NEB: variants seen among roughly 807,000 people sequenced by gnomAD.
The protein encoded by NEB is nemaline myopathy type 2.
Under a neutral mutation model 952.2 loss-of-function variants are expected in NEB, and 512 were observed. The ratio of observed to expected loss-of-function variants is 0.54; its 90% confidence interval spans 0.50 to 0.58. The LOEUF (loss-of-function observed/expected upper bound fraction) is 0.58, where lower values mean the gene tolerates loss of function less well. Ranked by LOEUF, NEB falls within the 20% of genes least tolerant of loss-of-function variation. The probability of loss-of-function intolerance (pLI) is 0.00; values close to 1 mark genes in which losing one functional copy is unlikely to be tolerated. For missense variants in NEB, 8,428 were observed against 9,231.1 expected (o/e 0.91, Z 3.56); for synonymous variants, 2,900 against 3,149.8 (o/e 0.92, Z 2.66).
chr2:151,560,993 A>AT lies in NEB; in HGVS notation c.19206+10_19206+11insA. 6.4e-7 allele frequency: 1 copy of AT among 1,559,286 alleles called. No homozygotes were observed. The highest frequency in any genetic ancestry group is 1.1e-5 in the South Asian group (1 of 87,498). ...GGCTCATATATAAGGGGGAAAAAAA[A>AT]CTCAACTCACACTGCTGTAAAGATT... On this transcript the variant is annotated intron_variant, in intron 123 of 181. Coordinates refer to ENST00000397345, the MANE Select transcript of NEB (RefSeq NM_001164508.2).
Position 151,627,103 on chromosome 2 carries a change from C to T in NEB, c.10246G>A (p.Asp3416Asn). 1 of 1,613,940 alleles carries T rather than the reference C, an allele frequency of 6.2e-7. No homozygotes were observed. The highest frequency in any genetic ancestry group is 1.1e-5 in the South Asian group (1 of 91,078). Reference protein sequence around the residue: ...KCKRAAEILSDNIYRQPPDKL... With the variant: ...KCKRAAEILSNNIYRQPPDKL... ...TCCGGAGGCTGGCGGTAGATGTTAT[C>T]ACTCAGTATTTCAGCAGCTCTCTTG... is the stretch of plus-strand genomic sequence containing the variant. The change falls in exon 70 of 182, where the codon GAT becomes AAT. Residue 3416 changes from aspartate to asparagine, a missense_variant. Around this residue, in one of 11 missense-constraint regions of NEB, gnomAD observed 1,772 missense variants for 1,960.3 expected, o/e 0.90. Transcript: ENST00000397345.
At chr2:151,506,662 CAT>C (rs1289163562) in intron 163 of NEB, among the ~76,000 whole-genome samples, 8 of 152,296 alleles carry the variant, frequency 5.3e-5, no homozygotes, top group Admixed American at 2.0e-4. Flanking sequence ...CAAGACAACA[CAT>C]GTTACTGCCC....
In NEB at chr2:151,513,735, T is replaced by C. The variant is rs756517186; in HGVS notation, c.23128-42A>G. On this transcript the variant is annotated intron_variant, in intron 159 of 181. Coordinates refer to ENST00000397345, the MANE Select transcript of NEB (RefSeq NM_001164508.2). ...AGAAAAAAAAAAGGTACCTAAATGC[T>C]ACTACTAGGTAATAAACATACAGGG... 31 of 1,270,822 alleles carry C rather than the reference T, an allele frequency of 2.4e-5. No homozygotes were observed. In the African/African-American group the frequency reaches 2.7e-4, roughly 11 times the overall value. The allele number at this position is 1,270,822 out of a possible 1,614,324, so 78.7% of individuals were successfully genotyped here. A position where few individuals can be genotyped will look rare whatever the true frequency, so the allele number is the denominator to read the frequency against.
intron 12 of NEB, 28 bp downstream of exon 12, chr2:151,709,628 C>A: frequency 6.6e-7 from 1 of 1,516,604 alleles, no homozygotes; most frequent in South Asian, 1.2e-5. Context: ...CTCAAACCAT[C>A]AAGATAAATG....
chr2:151,662,114 C>G, intron 46 of NEB, 21 bp downstream of exon 46: 1 of 1,589,480 alleles, frequency 6.3e-7, no homozygotes, highest in Non-Finnish European at 8.6e-7. Flanking sequence ...ATATGAAACA[C>G]TGCATTATTG....
At chr2:151,540,082 A>G (rs2093828192) in intron 138 of NEB, among the ~76,000 whole-genome samples, 1 of 152,224 alleles carries the variant, frequency 6.6e-6, no homozygotes, top group Admixed American at 6.5e-5. Context: ...AAGTATCCCC[A>G]GAAAATGCTG....
rs746382045 is a variant in NEB, at chr2:151,485,775, G to A, written c.25563C>T (p.Tyr8521=). The A allele has an allele frequency of 3.1e-6, 5 of 1,610,986 alleles. No homozygotes were observed. The highest frequency in any genetic ancestry group is 1.7e-4 in the Middle Eastern group (1 of 6,048). ...TGRTGMLPAN[Y]VEAI is the part of the protein sequence containing the mutation. Reference sequence around the variant, plus strand: ...TTTGAAATGCCTAAATAGCTTCAACGTAGTTGGCTGGGAGCATTCCGGTCC... The same window carrying A: ...TTTGAAATGCCTAAATAGCTTCAACATAGTTGGCTGGGAGCATTCCGGTCC... Residue 8521 remains tyrosine, a synonymous_variant, in exon 182 of 182, where the codon TAC becomes TAT. Transcript: ENST00000397345.
intron 81 of NEB, among the ~76,000 whole-genome samples, chr2:151,609,247 C>T (rs183078519): frequency 7.5e-4 from 114 of 151,828 alleles, no homozygotes; most frequent in African/African-American, 1.8e-3. Context: ...CATACAAATC[C>T]TTAGCTGAAA....
intron 1 of NEB, 41 bp from the exon 2 acceptor site, chr2:151,733,836 T>C (rs2099814589): frequency 6.6e-6 from 1 of 152,212 alleles, no homozygotes; most frequent in Non-Finnish European, 1.5e-5. Flanking sequence ...TTGAGGTACA[T>C]ATAGGATTGT....
chr2:151,641,479 C>T (rs1462646465), intron 60 of NEB, among the ~76,000 whole-genome samples: 1 of 152,116 alleles, frequency 6.6e-6, no homozygotes, highest in African/African-American at 2.4e-5. Flanking sequence ...TACAGGCATG[C>T]GCCATCACAC....
intron 130 of NEB, 87 bp from the exon 131 acceptor site, chr2:151,548,502 T>C (rs2094976756): frequency 3.1e-6 from 3 of 955,052 alleles, no homozygotes; most frequent in Non-Finnish European, 5.0e-6. Context: ...GATGTCACCT[T>C]TATTTGAAAA....
At chr2:151,503,022 C>T (rs952606364) in intron 166 of NEB, 137 bp from the exon 167 acceptor site, 7 of 614,700 alleles carry the variant, frequency 1.1e-5, no homozygotes, top group South Asian at 2.1e-5. Context: ...AATGTTTTTA[C>T]TTTTTTCACA....
intron 71 of NEB, among the ~76,000 whole-genome samples, chr2:151,623,699 T>C (rs2098461640): frequency 6.6e-6 from 1 of 152,164 alleles, no homozygotes; most frequent in Admixed American, 6.5e-5. Flanking sequence ...TTAATATCTT[T>C]GAGATAAATT....
chr2:151,626,990 T>G lies in NEB; in HGVS notation c.10347+12A>C. The G allele has an allele frequency of 6.2e-7, 1 of 1,613,272 alleles. No homozygotes were observed. The highest frequency in any genetic ancestry group is 8.5e-7 in the Non-Finnish European group (1 of 1,179,302). On this transcript the variant is annotated intron_variant, in intron 70 of 181. Coordinates refer to ENST00000397345, the MANE Select transcript of NEB (RefSeq NM_001164508.2). Reference sequence around the variant, plus strand: ...TAGCCCTGTCTTATTTTCCTACAAATTGGGGGCTCACCTTGTTCATATTGA... The same window carrying G: ...TAGCCCTGTCTTATTTTCCTACAAAGTGGGGGCTCACCTTGTTCATATTGA...
chr2:151,659,786 A>T (rs2099126270), intron 46 of NEB, among the ~76,000 whole-genome samples: 3 of 152,218 alleles, frequency 2.0e-5, no homozygotes, highest in African/African-American at 7.2e-5. Context: ...CATGTTCTAC[A>T]TCTTGATTTT....
At chr2:151,527,330 G>T in intron 147 of NEB, 151 bp downstream of exon 147, 1 of 697,560 alleles carries the variant, frequency 1.4e-6, no homozygotes, top group Non-Finnish European at 2.4e-6. Context: ...TTCTGAGCTC[G>T]CCTATCGCTC....
intron 30 of NEB, among the ~76,000 whole-genome samples, 153 bp downstream of exon 30, chr2:151,680,577 C>A (rs1227130478): frequency 6.6e-6 from 1 of 152,092 alleles, no homozygotes; most frequent in South Asian, 2.1e-4. Context: ...ATTAGGCATG[C>A]TTTATTAATG....
chr2:151,677,643 T>C lies in NEB; in HGVS notation c.3696A>G (p.Pro1232=), dbSNP rs201420007. The C allele has an allele frequency of 1.1e-5, 17 of 1,613,886 alleles. No individual in the cohort carries two copies. The highest frequency in any genetic ancestry group is 2.7e-5 in the African/African-American group (2 of 74,920). The stretch of plus-strand genomic sequence containing the variant: ...CAATGCTGGTAAATTTGAGGGTGTC[T>C]GGATGTTGCCTGTACTTCTTTTCAT... ...ALNEKKYRQH[P]DTLKFTSIVD... The change falls in exon 34 of 182, where the codon CCA becomes CCG. Residue 1232 remains proline, a synonymous_variant. Transcript: ENST00000397345.
At chr2:151,502,145 C>T (rs754203319) in intron 167 of NEB, among the ~76,000 whole-genome samples, 4 of 152,098 alleles carry the variant, frequency 2.6e-5, no homozygotes, top group Non-Finnish European at 4.4e-5. Context: ...TGTATGTTCT[C>T]ACTGATATGT....
Sources: allele counts gnomAD v4.1 joint callset (sites outside exome capture counted in the v4.1 genomes callset), GRCh38; gene constraint gnomAD v4.1.1; regional missense constraint gnomAD v4.1.1; transcripts MANE v1.5; gene names NCBI Gene and HGNC (gene_info 2026-07-23, HGNC 2026-07-21).